ZNF346: variants seen among roughly 807,000 people sequenced by gnomAD.
ZNF346 encodes double-stranded RNA-binding zinc finger protein JAZ.
ZNF346 carries 23 observed loss-of-function variants against 33.7 expected under a neutral mutation model. The observed-to-expected ratio is 0.68, with a 90% CI of 0.49 to 0.97. ZNF346 has a LOEUF of 0.97. ZNF346 is among the 50% of genes least tolerant of loss of function. The probability of loss-of-function intolerance (pLI) is 0.00; values close to 1 mark genes in which losing one functional copy is unlikely to be tolerated. For missense variants in ZNF346, 340 were observed against 371.1 expected (o/e 0.92, Z 0.69); for synonymous variants, 134 against 142.4 (o/e 0.94, Z 0.42).
chr5:177,044,007 T>G (rs1279693027), intron 3 of ZNF346, among the ~76,000 whole-genome samples: 1 of 152,064 alleles, frequency 6.6e-6, no homozygotes. Flanking sequence ...GGGTTAATTC[T>G]TCCTGGAATA....
intron 1 of ZNF346, among the ~76,000 whole-genome samples, chr5:177,038,876 T>TGTG (rs1554145941): frequency 9.9e-4 from 134 of 135,452 alleles, no homozygotes; most frequent in South Asian, 1.5e-3. Context: ...CTTCTTCTTC[T>TGTG]TGTGTGTGTG....
chr5:177,041,141 A>G lies in ZNF346; in HGVS notation c.191A>G (p.Gln64Arg), dbSNP rs1243688714. 2 of 1,613,690 alleles carry G rather than the reference A, an allele frequency of 1.2e-6. No homozygotes were observed. The highest frequency in any genetic ancestry group is 1.7e-5 in the Admixed American group (1 of 60,028). Reference sequence around the variant, plus strand: ...CCCTCTATAGTGGAGCACATGATCCAGAAGAACCAATGTCTCTTCACCAAC... The same window carrying G: ...CCCTCTATAGTGGAGCACATGATCCGGAAGAACCAATGTCTCTTCACCAAC... ...VGREEVEHMIQKNQCLFTNTQ... is the reference protein window; with the variant it reads ...VGREEVEHMIRKNQCLFTNTQ... Residue 64 changes from glutamine (Q) to arginine (R), a missense_variant, in exon 2 of 7, where the codon CAG becomes CGG. Transcript: ENST00000358149.
At chr5:177,061,789 C>CT (rs1246306014) in intron 5 of ZNF346, among the ~76,000 whole-genome samples, 10 of 152,166 alleles carry the variant, frequency 6.6e-5, no homozygotes, top group African/African-American at 2.4e-4. Context: ...TTCTGTCATT[C>CT]TTTTATCACT....
intron 1 of ZNF346, among the ~76,000 whole-genome samples, chr5:177,036,186 C>T (rs1778487576): frequency 1.3e-5 from 2 of 152,092 alleles, no homozygotes; most frequent in African/African-American, 4.8e-5. Flanking sequence ...GCTGGCCAGA[C>T]ATCTCTCTTT....
chr5:177,075,027 G>C (rs173301), intron 8 of ZNF346, among the ~76,000 whole-genome samples: 8 of 150,172 alleles, frequency 5.3e-5, no homozygotes, highest in Non-Finnish European at 1.0e-4. Context: ...GATCGCGCCA[G>C]TGCACTCCAA....
chr5:177,027,953 G>A (rs1340005032), intron 1 of ZNF346, among the ~76,000 whole-genome samples: 3 of 126,130 alleles, frequency 2.4e-5, no homozygotes, highest in Non-Finnish European at 3.6e-5. Context: ...AGCTGGCTTC[G>A]GCTTTTCTTT....
chr5:177,050,653 GAC>G (rs1456651822), intron 4 of ZNF346, 96 bp from the exon 5 acceptor site: 1 of 1,370,784 alleles, frequency 7.3e-7, no homozygotes, highest in Non-Finnish European at 1.0e-6. Context: ...TCAAAAGCCT[GAC>G]ACCTTCTGGG....
At chr5:177,023,148 C>T (rs1425124176) in intron 1 of ZNF346, 1 of 1,528,014 alleles carries the variant, frequency 6.5e-7, no homozygotes, top group Admixed American at 2.0e-5. Flanking sequence ...CCTCCTTCAT[C>T]ATTCACTACA....
At chr5:177,064,412 T>C in intron 6 of ZNF346, 100 bp from the exon 7 acceptor site, 3 of 912,914 alleles carry the variant, frequency 3.3e-6, no homozygotes, top group Non-Finnish European at 5.4e-6. Context: ...AGGTGTCCTG[T>C]CTATTACTCC....
At chr5:177,062,188 C>G in intron 6 of ZNF346, 37 bp downstream of exon 6, 1 of 1,550,312 alleles carries the variant, frequency 6.5e-7, no homozygotes, top group Non-Finnish European at 8.9e-7. Flanking sequence ...GGATCCATAG[C>G]AGGAGCTCAG....
At chr5:177,028,290 C>T (rs1273061687) in intron 1 of ZNF346, among the ~76,000 whole-genome samples, 1 of 149,872 alleles carries the variant, frequency 6.7e-6, no homozygotes, top group Non-Finnish European at 1.5e-5. Flanking sequence ...GATCTGTCCG[C>T]CTCTGCTTTC....
chr5:177,024,992 C>A (rs939677407), intron 1 of ZNF346, among the ~76,000 whole-genome samples: 4 of 152,204 alleles, frequency 2.6e-5, no homozygotes, highest in African/African-American at 9.7e-5. Context: ...ATACAAGTCA[C>A]CCATTGTAAG....
At chr5:177,079,374 C>T (rs1034034382) in intron 8 of ZNF346, 2 of 152,134 alleles carry the variant, frequency 1.3e-5, no homozygotes, top group Non-Finnish European at 2.9e-5. Context: ...TCCTGGCTTC[C>T]TTTGCAGCTA....
At chr5:177,028,672 A>G (rs1006367626) in intron 1 of ZNF346, among the ~76,000 whole-genome samples, 6 of 147,784 alleles carry the variant, frequency 4.1e-5, no homozygotes, top group African/African-American at 1.5e-4. Context: ...AGAAAGGTGA[A>G]AAACAGACTT....
In ZNF346 at chr5:177,044,454, T is replaced by A; in HGVS notation, c.438T>A (p.Pro146=). ...CPICNMTFSS[P]VVAQSHYLGK... Reference sequence around the variant, plus strand: ...TCTGTAACATGACCTTTTCCTCCCCTGTCGTGGCCCAGTCGCACTACCTGG... The same window carrying A: ...TCTGTAACATGACCTTTTCCTCCCCAGTCGTGGCCCAGTCGCACTACCTGG... The change falls in exon 4 of 7, where the codon CCT becomes CCA. Residue 146 remains proline (P), a synonymous_variant. Transcript: ENST00000358149. The A allele has an allele frequency of 6.2e-7, 1 of 1,614,128 alleles. No homozygotes were observed. The highest frequency in any genetic ancestry group is 8.5e-7 in the Non-Finnish European group (1 of 1,180,018).
chr5:177,051,024 T>C (rs1471485336), intron 5 of ZNF346, 88 bp downstream of exon 5: 1 of 1,041,038 alleles, frequency 9.6e-7, no homozygotes, highest in Non-Finnish European at 1.5e-6. Context: ...TTTTCCTCCT[T>C]AGGTCTTGTA....
intron 5 of ZNF346, among the ~76,000 whole-genome samples, chr5:177,056,715 T>G (rs970238645): frequency 2.2e-5 from 3 of 136,770 alleles, no homozygotes; most frequent in Non-Finnish European, 3.0e-5. Context: ...AATTGAACAA[T>G]GAGAACACTT....
intron 4 of ZNF346, among the ~76,000 whole-genome samples, chr5:177,044,944 T>C (rs1296926467): frequency 6.6e-6 from 1 of 152,216 alleles, no homozygotes; most frequent in African/African-American, 2.4e-5. Context: ...ATGCTCAGGT[T>C]ATGGCCTACT....
rs560879059 is a variant in ZNF346 at position 177,060,289 on chromosome 5, G to A, written c.704-1769G>A. ...TATAATCCCAGCACTTTAGGAGGTC[G>A]AGGTGGGTGGATCATGAGGTCAGGA... On this transcript the variant is annotated intron_variant, in intron 5 of 6. Coordinates refer to ENST00000358149, the MANE Select transcript of ZNF346 (RefSeq NM_012279.4). 2.6e-3 allele frequency among the ~76,000 whole-genome samples: 402 copies of A among 152,308 alleles called. 6 individuals are homozygous for A. The highest frequency in any genetic ancestry group is 8.7e-3 in the African/African-American group (361 of 41,566).
Sources: allele counts gnomAD v4.1 joint callset (sites outside exome capture counted in the v4.1 genomes callset), GRCh38; gene constraint gnomAD v4.1.1; transcripts MANE v1.5; gene names NCBI Gene and HGNC (gene_info 2026-07-23, HGNC 2026-07-21).